The following STAC variants were observed in gnomAD, a reference collection of about 807,000 sequenced individuals.
The protein encoded by STAC is SH3 and cysteine rich domain, also known as SH3 and cysteine-rich domain-containing protein.
In STAC, 43 loss-of-function variants were observed where a neutral mutation model predicts 48.8. The observed-to-expected ratio is 0.88, with a 90% confidence interval of 0.69 to 1.14. The LOEUF is 1.14. Ranked by LOEUF, STAC falls within the 50% of genes most tolerant of loss-of-function variation. STAC has a pLI of 0.00. For synonymous variants in STAC, 193 were observed against 179.5 expected, an observed-to-expected ratio of 1.07 and a Z score of -0.60; for missense variants, 497 against 504.0, an observed-to-expected ratio of 0.99 and a Z score of 0.13.
chr3:36,411,437 G>A (rs562442065), intron 1 of STAC, among the ~76,000 whole-genome samples: 32 of 152,214 alleles, frequency 2.1e-4, no homozygotes, highest in South Asian at 1.7e-3. Flanking sequence ...TCCAGTCATT[G>A]AAGCTCAACT....
chr3:36,408,482 C>T (rs1263981176), intron 1 of STAC, among the ~76,000 whole-genome samples: 1 of 152,188 alleles, frequency 6.6e-6, no homozygotes, highest in Non-Finnish European at 1.5e-5. Context: ...ATCCACTCTA[C>T]TCCATATTAC....
At chr3:36,391,930 C>T in intron 1 of STAC, among the ~76,000 whole-genome samples, 1 of 152,140 alleles carries the variant, frequency 6.6e-6, no homozygotes, top group East Asian at 1.9e-4. Flanking sequence ...CAGAACACCC[C>T]AAGGCTCCCA....
At chr3:36,535,419 G>A (rs1699175109) in intron 10 of STAC, among the ~76,000 whole-genome samples, 1 of 152,200 alleles carries the variant, frequency 6.6e-6, no homozygotes, top group Admixed American at 6.5e-5. Flanking sequence ...TCTGCAAACA[G>A]AGACATTTTG....
chr3:36,459,501 T>C (rs1171295423), intron 2 of STAC, among the ~76,000 whole-genome samples: 1 of 152,216 alleles, frequency 6.6e-6, no homozygotes, highest in Admixed American at 6.5e-5. Context: ...AATAAAAGCA[T>C]GACAGAATCA....
intron 6 of STAC, among the ~76,000 whole-genome samples, chr3:36,497,537 G>A (rs1698179641): frequency 6.6e-6 from 1 of 152,114 alleles, no homozygotes; most frequent in African/African-American, 2.4e-5. Context: ...ATGAACAATA[G>A]ACAATAAAAT....
At chr3:36,468,212 G>A (rs1188483271) in intron 2 of STAC, among the ~76,000 whole-genome samples, 3 of 152,000 alleles carry the variant, frequency 2.0e-5, no homozygotes, top group Non-Finnish European at 2.9e-5. Flanking sequence ...TGTGATCTGA[G>A]AGAGTACTTG....
chr3:36,529,414 C>T (rs940196410), intron 10 of STAC, among the ~76,000 whole-genome samples: 28 of 152,294 alleles, frequency 1.8e-4, no homozygotes, highest in African/African-American at 6.3e-4. Context: ...CAAGTCTCTA[C>T]CTATTCACTG....
intron 8 of STAC, among the ~76,000 whole-genome samples, chr3:36,515,975 CTTTTTTTTTT>C (rs1203330014): frequency 1.6e-5 from 1 of 61,458 alleles, no homozygotes; most frequent in South Asian, 7.1e-4. Flanking sequence ...CATTTTTCTC[CTTTTTTTTTT>C]TTTTTTTTTT....
Position 36,444,937 on chromosome 3 carries a change from T to C in STAC, c.388+1297T>C, listed in dbSNP as rs74868342. Among the ~76,000 whole-genome samples the C allele has an allele frequency of 1.5e-3, 227 of 152,282 alleles. 2 individuals are homozygous for C. Among genetic ancestry groups the C allele is most frequent in the African/African-American group, 5.2e-3 (218 of 41,566 alleles). Reference sequence around the variant, plus strand: ...CATCACGTCTCATGCTCAACAATACTTCAGACACTTCAGCCTCTAACTTAG... The same window carrying C: ...CATCACGTCTCATGCTCAACAATACCTCAGACACTTCAGCCTCTAACTTAG... On this transcript the variant is annotated intron_variant, in intron 2 of 10. Transcript: ENST00000273183.
intron 8 of STAC, among the ~76,000 whole-genome samples, chr3:36,515,931 T>A (rs887361657): frequency 2.0e-5 from 3 of 151,724 alleles, no homozygotes; most frequent in Admixed American, 6.6e-5. Context: ...AAGGCAGTTG[T>A]TGCGTGACTC....
At chr3:36,534,227 T>A (rs1699142387) in intron 10 of STAC, among the ~76,000 whole-genome samples, 1 of 152,180 alleles carries the variant, frequency 6.6e-6, no homozygotes, top group Admixed American at 6.5e-5. Flanking sequence ...ATCAGCATAG[T>A]AGCATCTCTC....
At chr3:36,491,151 C>T (rs1234416897) in intron 5 of STAC, among the ~76,000 whole-genome samples, 1 of 151,540 alleles carries the variant, frequency 6.6e-6, no homozygotes, top group African/African-American at 2.4e-5. Context: ...CAGCATCCTG[C>T]ATTTTTTATT....
In STAC at chr3:36,502,044, T is replaced by TA. The variant is rs545880851; in HGVS notation, c.767-2342dup. Among the ~76,000 whole-genome samples the TA allele has an allele frequency of 9.2e-5, 14 of 152,186 alleles. No individual in the cohort carries two copies. In the East Asian group the frequency reaches 2.5e-3, roughly 27 times the overall value. On this transcript the variant is annotated intron_variant, in intron 6 of 10. Coordinates refer to ENST00000273183, the MANE Select transcript of STAC (RefSeq NM_003149.3). ...AATGTAACTTGCTGCATTACTAGGT[T>TA]AAAAAAATAATAATCTAACTAAAAA...
chr3:36,488,861 C>T (rs540442673), intron 5 of STAC, among the ~76,000 whole-genome samples: 4 of 152,234 alleles, frequency 2.6e-5, no homozygotes, highest in Non-Finnish European at 5.9e-5. Flanking sequence ...CGCCACTTCC[C>T]TAATTAAAAT....
chr3:36,505,832 G>T lies in STAC; in HGVS notation c.918G>T (p.Met306Ile). The T allele has an allele frequency of 6.3e-7, 1 of 1,597,334 alleles. No homozygotes were observed. The highest frequency in any genetic ancestry group is 8.5e-7 in the Non-Finnish European group (1 of 1,171,966). Residue 306 changes from methionine (M) to isoleucine (I), a missense_variant and splice_region_variant, in exon 8 of 11, where the codon ATG becomes ATT. Physicochemically the swap from Met to Ile is conservative, Grantham distance 10. Transcript: ENST00000273183. ...FVPQENEDLE[M>I]RPGDIITLLE... ...CACAGGAGAATGAAGATTTGGAAATGAGGTAAAAACCTTCTGTAAAGAAAA... is the reference window on the plus strand; with the variant it reads ...CACAGGAGAATGAAGATTTGGAAATTAGGTAAAAACCTTCTGTAAAGAAAA...
chr3:36,418,042 T>C (rs2125641569), intron 1 of STAC, among the ~76,000 whole-genome samples: 1 of 152,340 alleles, frequency 6.6e-6, no homozygotes, highest in African/African-American at 2.4e-5. Context: ...AATTTTGTTT[T>C]AGTGGGATAT....
At position 36,431,342 on chromosome 3, in the gene STAC, A is replaced by G. The variant is rs1465835921; in HGVS notation, c.112-12022A>G. 2.6e-5 allele frequency among the ~76,000 whole-genome samples: 4 copies of G among 152,184 alleles called. No homozygotes were observed. The East Asian group carries it at 7.7e-4, about 29-fold the overall frequency. The stretch of plus-strand genomic sequence containing the variant: ...CTCCCCACTGTCACACAGCAACAGG[A>G]GCAGCAACTCAGAATGCAGAGTGGG... On this transcript the variant is annotated intron_variant, in intron 1 of 10. Coordinates refer to ENST00000273183, the MANE Select transcript of STAC (RefSeq NM_003149.3).
chr3:36,398,347 G>GAAAGAAAGAAAGAAAA lies in STAC; in HGVS notation c.111+17608_111+17609insAAAAGAAAGAAAGAAA, dbSNP rs1559476956. On this transcript the variant is annotated intron_variant, in intron 1 of 10. Transcript: ENST00000273183. The stretch of plus-strand genomic sequence containing the variant: ...AGAAAGAAAGAAAGAAAGAAAGAAA[G>GAAAGAAAGAAAGAAAA]AAAGAAAGAAAGAAAGAAAGAAAAG... Among the ~76,000 whole-genome samples the GAAAGAAAGAAAGAAAA allele has an allele frequency of 2.2e-3, 283 of 131,024 alleles. 6 individuals are homozygous for GAAAGAAAGAAAGAAAA. Among genetic ancestry groups the GAAAGAAAGAAAGAAAA allele is most frequent in the Middle Eastern group, 0.012 (3 of 242 alleles). The allele number at this position is 131,024 out of a possible 152,430, so 86.0% of individuals were successfully genotyped here.
chr3:36,388,486 T>C (rs1699671831), intron 1 of STAC, among the ~76,000 whole-genome samples: 1 of 152,052 alleles, frequency 6.6e-6, no homozygotes, highest in African/African-American at 2.4e-5. Context: ...TTTTTTATGG[T>C]TTTAAATGTC....
Sources: gnomAD v4.1 joint callset for allele counts (sites outside exome capture counted in the v4.1 genomes callset) on GRCh38, gnomAD v4.1.1 for gene constraint, MANE v1.5 for transcripts, NCBI Gene and HGNC (gene_info 2026-07-23, HGNC 2026-07-21) for gene names.